Variants in TTK observed in about 807,000 individuals in gnomAD.
TTK encodes dual specificity protein kinase TTK.
In TTK, 59 loss-of-function variants were observed where a neutral mutation model predicts 117.3. That is an observed-to-expected ratio of 0.50 (90% confidence interval 0.41 to 0.62). The LOEUF (loss-of-function observed/expected upper bound fraction) is 0.62. TTK is among the 20% of genes least tolerant of loss of function. The pLI is 0.00. For missense variants in TTK, 921 were observed against 989.4 expected, an observed-to-expected ratio of 0.93 and a Z score of 0.93; for synonymous variants, 302 against 325.0, an observed-to-expected ratio of 0.93 and a Z score of 0.76.
intron 14 of TTK, among the ~76,000 whole-genome samples, chr6:80,033,762 C>A (rs1767818848): frequency 7.9e-6 from 1 of 126,868 alleles, no homozygotes; most frequent in East Asian, 3.7e-4. Flanking sequence ...ATGTGCATTA[C>A]CATGTGTATC....
rs936242020 is a variant in TTK, at chr6:80,035,128, C to A, written c.1758C>A (p.Ile586=). The change falls in exon 15 of 22, where the codon ATC becomes ATA. Residue 586 remains isoleucine (I), a synonymous_variant. Coordinates refer to ENST00000369798, the MANE Select transcript of TTK (RefSeq NM_003318.5). ...TACAACAACACAGTGATAAGATCATCCGACTTTATGATTAGTAAGAATTCT... is the reference window on the plus strand; with the variant it reads ...TACAACAACACAGTGATAAGATCATACGACTTTATGATTAGTAAGAATTCT... ...NKLQQHSDKI[I]RLYDYEITDQ... is the part of the protein sequence containing the mutation. The A allele has an allele frequency of 6.4e-7, 1 of 1,556,934 alleles. No individual in the cohort carries two copies. The highest frequency in any genetic ancestry group is 1.2e-5 in the South Asian group (1 of 80,774).
At position 80,040,553 on chromosome 6, in the gene TTK, A is replaced by G. The variant is rs575422582; in HGVS notation, c.2393-53A>G. 173 of 1,495,174 alleles carry G rather than the reference A, an allele frequency of 1.2e-4. No homozygotes were observed. The South Asian group carries it at 1.5e-3, about 13-fold the overall frequency. The allele number at this position is 1,495,174 out of a possible 1,614,324, so 92.6% of individuals were successfully genotyped here. Reference sequence around the variant, plus strand: ...CTATTAAACAAAATGTGTATTTACAATGGACTTATATTTTTCTTACTGGTA... The same window carrying G: ...CTATTAAACAAAATGTGTATTTACAGTGGACTTATATTTTTCTTACTGGTA... On this transcript the variant is annotated intron_variant, in intron 20 of 21. Coordinates refer to ENST00000369798, the MANE Select transcript of TTK (RefSeq NM_003318.5).
chr6:80,036,482 T>C lies in TTK; in HGVS notation c.1932T>C (p.Val644=). The change falls in exon 17 of 22, where the codon GTT becomes GTC. Residue 644 remains valine, a synonymous_variant. Transcript: ENST00000369798. ...TGGATTTTTATTTTAAAGGCATTGT[T>C]CACAGTGATCTTAAACCAGCTAACT... ...AVHTIHQHGI[V]HSDLKPANFL... is the part of the protein sequence containing the mutation. 6.2e-7 allele frequency: 1 copy of C among 1,606,314 alleles called. No individual in the cohort carries two copies. The highest frequency in any genetic ancestry group is 8.5e-7 in the Non-Finnish European group (1 of 1,177,032).
intron 4 of TTK, among the ~76,000 whole-genome samples, chr6:80,009,413 A>T (rs1463136773): frequency 6.6e-6 from 1 of 152,036 alleles, no homozygotes; most frequent in Admixed American, 6.6e-5. Context: ...GTCTTCTCCA[A>T]TATGTCCTTT....
At chr6:80,019,074 A>G (rs73747975) in intron 10 of TTK, among the ~76,000 whole-genome samples, 8,985 of 152,248 alleles carry the variant, frequency 0.059, 298 homozygotes, top group South Asian at 0.11. Flanking sequence ...TTGTCTATCA[A>G]TTGCTAATAT....
chr6:80,040,164 G>A, intron 19 of TTK, 32 bp from the exon 20 acceptor site: 2 of 1,487,852 alleles, frequency 1.3e-6, no homozygotes, highest in Non-Finnish European at 1.8e-6. Flanking sequence ...AACCTGCTTT[G>A]TTTTTCTTTT....
At chr6:80,015,197 A>T (rs1295855723) in intron 10 of TTK, among the ~76,000 whole-genome samples, 2 of 152,206 alleles carry the variant, frequency 1.3e-5, no homozygotes, top group Non-Finnish European at 2.9e-5. Flanking sequence ...AATGGGAAAT[A>T]ATAGAGTATT....
rs142545535 is a variant in TTK, at chr6:80,036,640, C to CT, written c.2049+48dup. 2,091 of 1,546,586 alleles carry CT rather than the reference C, an allele frequency of 1.4e-3. 24 individuals are homozygous for CT. In the African/African-American group the frequency reaches 0.024, roughly 18 times the overall value. On this transcript the variant is annotated intron_variant, in intron 17 of 21. Transcript: ENST00000369798. ...GGTTCTCTCACAGTAGAGTTCAATT[C>CT]TTTTTTTACCTGTGAAGTATTATAT... is the stretch of plus-strand genomic sequence containing the variant.
intron 4 of TTK, among the ~76,000 whole-genome samples, chr6:80,010,175 G>A (rs1159994165): frequency 6.6e-6 from 1 of 151,886 alleles, no homozygotes; most frequent in Non-Finnish European, 1.5e-5. Flanking sequence ...AATGCTAGGG[G>A]TAAGTTTACC....
At chr6:80,013,885 A>G (rs1767234660) in intron 9 of TTK, among the ~76,000 whole-genome samples, 1 of 152,138 alleles carries the variant, frequency 6.6e-6, no homozygotes, top group Admixed American at 6.6e-5. Flanking sequence ...TACTATTATT[A>G]TAATTGAGTT....
At chr6:80,032,936 G>A (rs959125503) in intron 14 of TTK, among the ~76,000 whole-genome samples, 2 of 152,004 alleles carry the variant, frequency 1.3e-5, no homozygotes, top group African/African-American at 2.4e-5. Context: ...AAATGATTAA[G>A]CTAATTAACA....
intron 14 of TTK, among the ~76,000 whole-genome samples, chr6:80,032,405 A>T (rs978408365): frequency 6.6e-6 from 1 of 151,852 alleles, no homozygotes; most frequent in African/African-American, 2.4e-5. Flanking sequence ...TTTTTCTTAA[A>T]CTCATTCATT....
At chr6:80,037,900 CAAAAA>C in intron 17 of TTK, 62 bp from the exon 18 acceptor site, 2 of 808,756 alleles carry the variant, frequency 2.5e-6, no homozygotes, top group Non-Finnish European at 3.5e-6. Flanking sequence ...ATAATAATCT[CAAAAA>C]AAAATCTAAA....
intron 11 of TTK, among the ~76,000 whole-genome samples, chr6:80,024,447 G>T (rs1767551162): frequency 6.6e-6 from 1 of 152,180 alleles, no homozygotes; most frequent in East Asian, 1.9e-4. Context: ...ACTAGTACAT[G>T]TTACAACATA....
At chr6:80,008,310 A>T (rs954614774) in intron 3 of TTK, 76 bp from the exon 4 acceptor site, 2 of 1,417,056 alleles carry the variant, frequency 1.4e-6, no homozygotes, top group African/African-American at 2.9e-5. Context: ...GTTTTTTGGA[A>T]AATTGAATGA....
intron 11 of TTK, among the ~76,000 whole-genome samples, chr6:80,023,625 A>T (rs1767525874): frequency 1.3e-5 from 2 of 152,114 alleles, no homozygotes; most frequent in South Asian, 4.1e-4. Context: ...ATAACTGATA[A>T]ACTCATGTGA....
At position 80,007,907 on chromosome 6, in the gene TTK, A is replaced by C; in HGVS notation, c.238A>C (p.Ser80Arg). The change falls in exon 3 of 22, where the codon AGT (serine) becomes CGT (arginine). Residue 80 changes from serine to arginine, a missense_variant. Physicochemically the swap from Ser to Arg is moderately radical, Grantham distance 110. Transcript: ENST00000369798. ...ACTAGAGAAAAACAGTGTTCCGCTA[A>C]GTGATGCTCTTTTAAATAAATTGAT... is the stretch of plus-strand genomic sequence containing the variant. ...LKLEKNSVPL[S>R]DALLNKLIGR... The C allele has an allele frequency of 1.2e-6, 2 of 1,613,646 alleles. No individual in the cohort carries two copies. Among genetic ancestry groups the C allele is most frequent in the Non-Finnish European group, 1.7e-6 (2 of 1,179,670 alleles).
At chr6:80,018,953 T>C (rs1237239731) in intron 10 of TTK, among the ~76,000 whole-genome samples, 1 of 152,218 alleles carries the variant, frequency 6.6e-6, no homozygotes, top group East Asian at 1.9e-4. Flanking sequence ...TAGTTAATTA[T>C]ATATTTTCCG....
chr6:80,035,221 A>G, intron 15 of TTK, 45 bp from the exon 16 acceptor site: 3 of 1,552,466 alleles, frequency 1.9e-6, no homozygotes, highest in Non-Finnish European at 2.6e-6. Context: ...CTTTAATATA[A>G]CCTAGCCATT....
Sources: allele counts gnomAD v4.1 joint callset (sites outside exome capture counted in the v4.1 genomes callset), GRCh38; gene constraint gnomAD v4.1.1; transcripts MANE v1.5; gene names NCBI Gene and HGNC (gene_info 2026-07-23, HGNC 2026-07-21).